Variants in NEDD4L observed in about 807,000 individuals in gnomAD.
NEDD4L encodes the protein NEDD4 like E3 ubiquitin protein ligase, also known as E3 ubiquitin-protein ligase NEDD4-like.
A neutral mutation model predicts 148.9 loss-of-function variants in NEDD4L; 54 were observed. The ratio of observed to expected loss-of-function variants is 0.36; its 90% confidence interval spans 0.29 to 0.45. NEDD4L has a LOEUF of 0.45. Among genes scored for constraint, NEDD4L ranks in the 20% least tolerant of loss-of-function variants. The probability of loss-of-function intolerance (pLI) is 1.00; values close to 1 mark genes in which losing one functional copy is unlikely to be tolerated. For missense variants in NEDD4L, 856 were observed against 1,233.8 expected, an observed-to-expected ratio of 0.69 and a Z score of 4.59; for synonymous variants, 433 against 440.7, an observed-to-expected ratio of 0.98 and a Z score of 0.22.
intron 30 of NEDD4L, 131 bp from the exon 31 acceptor site, chr18:58,396,036 T>G (rs887967162): frequency 8.5e-6 from 5 of 586,824 alleles, no homozygotes; most frequent in African/African-American, 5.6e-5. Context: ...GTTTTTGGGG[T>G]TTTTTTCTCC....
intron 2 of NEDD4L, among the ~76,000 whole-genome samples, chr18:58,233,789 G>T (rs2045549431): frequency 6.6e-6 from 1 of 152,242 alleles, no homozygotes; most frequent in Admixed American, 6.5e-5. Context: ...GAGTCCAGAA[G>T]TCTGAAATTA....
intron 1 of NEDD4L, among the ~76,000 whole-genome samples, chr18:58,112,460 G>GTA (rs150981639): frequency 0.065 from 9,829 of 150,178 alleles, 447 homozygotes; most frequent in Admixed American, 0.14. Flanking sequence ...TTTTCAGTAT[G>GTA]TATATATATA....
chr18:58,396,233 C>A lies in NEDD4L; in HGVS notation c.2892C>A (p.Ala964=), dbSNP rs372898637. Residue 964 remains alanine (A), a synonymous_variant, in exon 31 of 31, where the codon GCC becomes GCA. Transcript: ENST00000400345. ...ATTTACGAGAGAAACTTCTCATGGC[C>A]GTGGAAAATGCTCAAGGATTTGAAG... is the stretch of plus-strand genomic sequence containing the variant. ...FEDLREKLLM[A]VENAQGFEGV... is the part of the protein sequence containing the mutation. 3 of 1,613,428 alleles carry A rather than the reference C, an allele frequency of 1.9e-6. No homozygotes were observed. The highest frequency in any genetic ancestry group is 2.5e-6 in the Non-Finnish European group (3 of 1,179,594).
chr18:58,235,190 T>A (rs958137151), intron 2 of NEDD4L, among the ~76,000 whole-genome samples: 4 of 152,070 alleles, frequency 2.6e-5, no homozygotes, highest in African/African-American at 9.7e-5. Flanking sequence ...TACACATAAT[T>A]GTATACCAGT....
intron 2 of NEDD4L, among the ~76,000 whole-genome samples, chr18:58,180,528 GTTC>G (rs1483600593): frequency 6.6e-6 from 1 of 152,126 alleles, no homozygotes; most frequent in Admixed American, 6.5e-5. Context: ...TCCAGCGCCC[GTTC>G]TTCTGCCCCT....
intron 24 of NEDD4L, among the ~76,000 whole-genome samples, chr18:58,382,598 G>T (rs2048489582): frequency 6.6e-6 from 1 of 152,120 alleles, no homozygotes; most frequent in Admixed American, 6.5e-5. Flanking sequence ...GTGGCCTTAT[G>T]GTAAGCTAGG....
At chr18:58,261,481 T>G (rs572032044) in intron 5 of NEDD4L, among the ~76,000 whole-genome samples, 1 of 152,370 alleles carries the variant, frequency 6.6e-6, no homozygotes, top group South Asian at 2.1e-4. Flanking sequence ...TATTTTAAGA[T>G]ACTGTCTTTT....
intron 2 of NEDD4L, among the ~76,000 whole-genome samples, chr18:58,201,458 T>C (rs2041398512): frequency 6.6e-6 from 1 of 152,140 alleles, no homozygotes; most frequent in Non-Finnish European, 1.5e-5. Context: ...GCCTCAACCG[T>C]TGTTAACAGT....
intron 2 of NEDD4L, among the ~76,000 whole-genome samples, chr18:58,209,707 C>A: frequency 8.4e-6 from 1 of 119,528 alleles, no homozygotes; most frequent in African/African-American, 4.1e-5. Context: ...AAAAGATCAA[C>A]TAAGTAAACA....
chr18:58,147,877 C>T lies in NEDD4L; in HGVS notation c.49-17911C>T, dbSNP rs535540301. On this transcript the variant is annotated intron_variant, in intron 1 of 30. Coordinates refer to ENST00000400345, the MANE Select transcript of NEDD4L (RefSeq NM_001144967.3). Reference sequence around the variant, plus strand: ...AAATCTCATCCATTCTTCCAGGGCACCTTACTGTCCCCCAAAGCCCCAGTG... The same window carrying T: ...AAATCTCATCCATTCTTCCAGGGCATCTTACTGTCCCCCAAAGCCCCAGTG... Among the ~76,000 whole-genome samples, 13 of 152,226 alleles carry T rather than the reference C, an allele frequency of 8.5e-5. No homozygotes were observed. In the South Asian group the frequency reaches 2.7e-3, roughly 32 times the overall value.
intron 30 of NEDD4L, among the ~76,000 whole-genome samples, chr18:58,393,429 C>T (rs1220026270): frequency 6.6e-6 from 1 of 152,214 alleles, no homozygotes; most frequent in Non-Finnish European, 1.5e-5. Flanking sequence ...ATTCACAGCT[C>T]TTCCCTAGGA....
At chr18:58,298,587 T>TG (rs2056019709) in intron 5 of NEDD4L, among the ~76,000 whole-genome samples, 2 of 152,364 alleles carry the variant, frequency 1.3e-5, no homozygotes, top group South Asian at 4.1e-4. Flanking sequence ...CTTTAAAGTT[T>TG]GTCTTTTCCT....
intron 5 of NEDD4L, among the ~76,000 whole-genome samples, chr18:58,268,712 A>G (rs1345895832): frequency 6.6e-6 from 1 of 152,058 alleles, no homozygotes; most frequent in Non-Finnish European, 1.5e-5. Context: ...ACGTGGATTT[A>G]AATAAAGAAA....
chr18:58,243,051 G>C (rs1217254443), intron 2 of NEDD4L, among the ~76,000 whole-genome samples: 2 of 152,222 alleles, frequency 1.3e-5, no homozygotes, highest in Non-Finnish European at 2.9e-5. Flanking sequence ...GTCCCCAGCT[G>C]CATGTGTCGA....
At chr18:58,236,710 A>G (rs1034632944) in intron 2 of NEDD4L, among the ~76,000 whole-genome samples, 4 of 152,168 alleles carry the variant, frequency 2.6e-5, no homozygotes, top group African/African-American at 7.2e-5. Flanking sequence ...AGTTTTTCCT[A>G]CGTTTCAGAT....
intron 1 of NEDD4L, among the ~76,000 whole-genome samples, chr18:58,143,115 C>G (rs2033729726): frequency 2.0e-5 from 3 of 152,218 alleles, no homozygotes; most frequent in Admixed American, 2.0e-4. Flanking sequence ...GTGCCAGGTA[C>G]TGGCGTAGCT....
At chr18:58,086,305 G>A (rs1237849136) in intron 1 of NEDD4L, among the ~76,000 whole-genome samples, 1 of 152,118 alleles carries the variant, frequency 6.6e-6, no homozygotes, top group Non-Finnish European at 1.5e-5. Flanking sequence ...TTTCATATTT[G>A]CTTGTAGATC....
At chr18:58,316,880 G>A (rs1223225376) in intron 6 of NEDD4L, among the ~76,000 whole-genome samples, 1 of 140,898 alleles carries the variant, frequency 7.1e-6, no homozygotes, top group Non-Finnish European at 1.6e-5. Flanking sequence ...CCTTACAAGG[G>A]CATTGTGTTA....
At chr18:58,160,520 A>C (rs2036071286) in intron 1 of NEDD4L, among the ~76,000 whole-genome samples, 1 of 152,250 alleles carries the variant, frequency 6.6e-6, no homozygotes, top group South Asian at 2.1e-4. Flanking sequence ...TGCATTGTAC[A>C]GCCAATCTAT....
Sources: allele counts gnomAD v4.1 joint callset (sites outside exome capture counted in the v4.1 genomes callset), GRCh38; gene constraint gnomAD v4.1.1; transcripts MANE v1.5; gene names NCBI Gene and HGNC (gene_info 2026-07-23, HGNC 2026-07-21).